Variants in ROBO2 observed in about 807,000 individuals in gnomAD.
The protein encoded by ROBO2 is roundabout guidance receptor 2, also known as roundabout homolog 2.
Under a neutral mutation model 160.8 loss-of-function variants are expected in ROBO2, and 53 were observed. That is an observed-to-expected ratio of 0.33 (90% CI 0.26 to 0.41). The LOEUF is 0.41. ROBO2 is among the 10% of genes least tolerant of loss of function. The probability of loss-of-function intolerance (pLI) is 1.00; values close to 1 mark genes in which losing one functional copy is unlikely to be tolerated. For synonymous variants in ROBO2, 664 were observed against 611.7 expected (o/e 1.09, Z -1.26); for missense variants, 1,577 against 1,722.4 (o/e 0.92, Z 1.49).
At chr3:77,019,253 T>G (rs900612425) in intron 2 of ROBO2, among the ~76,000 whole-genome samples, 1 of 152,080 alleles carries the variant, frequency 6.6e-6, no homozygotes, top group Non-Finnish European at 1.5e-5. Context: ...GCTTGTTGAG[T>G]GCCATTTTTT....
chr3:76,851,559 C>A (rs1425675520), intron 2 of ROBO2, among the ~76,000 whole-genome samples: 1 of 150,636 alleles, frequency 6.6e-6, no homozygotes, highest in African/African-American at 2.4e-5. Context: ...CAAGGTGAAA[C>A]CCCGTCTCTA....
At chr3:77,011,067 T>TTCTTTCTTTCTTTC (rs2061878966) in intron 2 of ROBO2, among the ~76,000 whole-genome samples, 1 of 130,454 alleles carries the variant, frequency 7.7e-6, no homozygotes, top group African/African-American at 3.4e-5. Flanking sequence ...CTTTCTTTCT[T>TTCTTTCTTTCTTTC]TCTTTCTTTC....
chr3:76,190,787 T>C (rs926859962), intron 2 of ROBO2, among the ~76,000 whole-genome samples: 3 of 152,112 alleles, frequency 2.0e-5, no homozygotes. Context: ...TTCCCATTGC[T>C]GTACCTAATA....
At chr3:76,693,128 CAT>C (rs1359607206) in intron 2 of ROBO2, among the ~76,000 whole-genome samples, 4 of 147,134 alleles carry the variant, frequency 2.7e-5, no homozygotes, top group Non-Finnish European at 4.5e-5. Flanking sequence ...TGTGTATATA[CAT>C]ATATATGTGT....
At chr3:76,442,586 G>A (rs1031239060) in intron 2 of ROBO2, among the ~76,000 whole-genome samples, 2 of 152,110 alleles carry the variant, frequency 1.3e-5, no homozygotes, top group Admixed American at 6.6e-5. Flanking sequence ...TCAGTTACCT[G>A]AAGTCTACTA....
chr3:77,124,278 T>C (rs368464486), intron 2 of ROBO2, among the ~76,000 whole-genome samples: 1 of 152,004 alleles, frequency 6.6e-6, no homozygotes, highest in Non-Finnish European at 1.5e-5. Flanking sequence ...TGGAACAAAA[T>C]TTGAAAAATT....
At chr3:77,602,539 G>A in intron 20 of ROBO2, 48 bp downstream of exon 21, 1 of 1,596,856 alleles carries the variant, frequency 6.3e-7, no homozygotes, top group Non-Finnish European at 8.6e-7. Context: ...TATCATTTGT[G>A]CATGAGATAG....
At chr3:76,548,307 A>G (rs781123023) in intron 2 of ROBO2, among the ~76,000 whole-genome samples, 6 of 152,126 alleles carry the variant, frequency 3.9e-5, no homozygotes, top group African/African-American at 7.2e-5. Flanking sequence ...TGTAGTAAAT[A>G]TTTGCTTTGC....
chr3:77,301,436 C>T (rs1037263779), intron 2 of ROBO2, among the ~76,000 whole-genome samples: 1 of 152,110 alleles, frequency 6.6e-6, no homozygotes, highest in Non-Finnish European at 1.5e-5. Context: ...TATATGAAGA[C>T]TCCAATCACT....
At chr3:76,976,131 A>G (rs1413234080) in intron 2 of ROBO2, among the ~76,000 whole-genome samples, 1 of 152,210 alleles carries the variant, frequency 6.6e-6, no homozygotes, top group Admixed American at 6.5e-5. Context: ...TAAACTGAAG[A>G]CTCACTTCAG....
chr3:77,145,450 CTT>C (rs1341325728), intron 2 of ROBO2, among the ~76,000 whole-genome samples: 2 of 152,040 alleles, frequency 1.3e-5, no homozygotes, highest in Non-Finnish European at 2.9e-5. Context: ...TTTGGCTTGA[CTT>C]TTTTATATGG....
intron 1 of ROBO2, among the ~76,000 whole-genome samples, chr3:75,917,377 T>G (rs1342061019): frequency 6.6e-6 from 1 of 152,214 alleles, no homozygotes. Flanking sequence ...TCATCGTTTT[T>G]TATGGCTGCA....
intron 2 of ROBO2, among the ~76,000 whole-genome samples, chr3:76,626,488 G>C (rs1560261335): frequency 6.6e-6 from 1 of 152,104 alleles, no homozygotes; most frequent in Non-Finnish European, 1.5e-5. Context: ...AAAGTACCAA[G>C]AAAATGAGGA....
chr3:76,435,143 A>T, intron 2 of ROBO2: 2 of 993,430 alleles, frequency 2.0e-6, no homozygotes, highest in East Asian at 4.7e-5. Context: ...TTGGTCTGGT[A>T]TTTGATGACA....
chr3:76,390,933 A>C (rs1014429919), intron 2 of ROBO2, among the ~76,000 whole-genome samples: 14 of 152,178 alleles, frequency 9.2e-5, no homozygotes, highest in Non-Finnish European at 1.3e-4. Context: ...GTACCCAATA[A>C]ATAAAACAAG....
chr3:77,327,879 C>T (rs375369622), intron 2 of ROBO2, among the ~76,000 whole-genome samples: 1 of 151,700 alleles, frequency 6.6e-6, no homozygotes, highest in African/African-American at 2.4e-5. Flanking sequence ...GGCGAAACCC[C>T]GTCTCTACTA....
intron 2 of ROBO2, among the ~76,000 whole-genome samples, chr3:76,538,681 G>A (rs1027583349): frequency 1.3e-5 from 2 of 152,096 alleles, no homozygotes; most frequent in South Asian, 2.1e-4. Context: ...AAATAAACCC[G>A]TCACTGTGTT....
At chr3:76,378,194 C>A (rs1178477811) in intron 2 of ROBO2, among the ~76,000 whole-genome samples, 1 of 152,150 alleles carries the variant, frequency 6.6e-6, no homozygotes, top group African/African-American at 2.4e-5. Context: ...CCTCTATACT[C>A]ATTACTTTCC....
At chr3:77,590,368 G>A (rs1262509331) in intron 17 of ROBO2, among the ~76,000 whole-genome samples, 2 of 152,040 alleles carry the variant, frequency 1.3e-5, no homozygotes, top group African/African-American at 2.4e-5. Context: ...TGCAGAAAGG[G>A]GTGCTAGGCA....
Sources: gnomAD v4.1 joint callset for allele counts (sites outside exome capture counted in the v4.1 genomes callset) on GRCh38, gnomAD v4.1.1 for gene constraint, MANE v1.5 for transcripts, NCBI Gene and HGNC (gene_info 2026-07-23, HGNC 2026-07-21) for gene names.